The following NAB1 variants were observed in gnomAD, a reference collection of about 807,000 sequenced individuals.
NAB1 encodes the protein NGFI-A-binding protein 1.
In NAB1, 25 loss-of-function variants were observed where a neutral mutation model predicts 49.9. The ratio of observed to expected loss-of-function variants is 0.50; its 90% CI spans 0.37 to 0.70. The LOEUF is 0.70. Ranked by LOEUF, NAB1 falls within the 30% of genes least tolerant of loss-of-function variation. The pLI is 0.00. For synonymous variants in NAB1, 198 were observed against 215.6 expected (o/e 0.92, Z 0.71); for missense variants, 489 against 575.9 (o/e 0.85, Z 1.54).
At position 190,666,625 on chromosome 2, in the gene NAB1, C is replaced by T. The variant is rs113526269; in HGVS notation, c.820-3701C>T. 1.3e-5 allele frequency among the ~76,000 whole-genome samples: 2 copies of T among 152,016 alleles called. No individual in the cohort carries two copies. Among genetic ancestry groups the T allele is most frequent in the African/African-American group, 2.4e-5 (1 of 41,380 alleles). On this transcript the variant is annotated intron_variant, in intron 4 of 9. Coordinates refer to ENST00000337386, the MANE Select transcript of NAB1 (RefSeq NM_005966.4). This position sits in a 1 kb window ranked among gnomAD's most constrained non-coding sequence, Gnocchi z 5.6. ...TTGGGAGGCTGAGACAGGAGAATCGCTTGAACCCGGGGCGCTGAGGTTGCG... is the reference window on the plus strand; with the variant it reads ...TTGGGAGGCTGAGACAGGAGAATCGTTTGAACCCGGGGCGCTGAGGTTGCG...
In NAB1 at chr2:190,679,654, T is replaced by C. The variant is rs2125812389; in HGVS notation, c.1006-4084T>C. Among the ~76,000 whole-genome samples the C allele has an allele frequency of 6.6e-6, 1 of 152,352 alleles. No individual in the cohort carries two copies. The highest frequency in any genetic ancestry group is 2.4e-5 in the African/African-American group (1 of 41,574). ...TTCCAGTGGGCAGATACACAGGTGG[T>C]GTAATCCTAATTTAAAAATTTGGAT... On this transcript the variant is annotated intron_variant, in intron 6 of 9. Transcript: ENST00000337386. The surrounding 1 kb of genome is among the most constrained non-coding windows in gnomAD (Gnocchi z 5.3).
chr2:190,667,876 A>G lies in NAB1; in HGVS notation c.820-2450A>G, dbSNP rs938086761. On this transcript the variant is annotated intron_variant, in intron 4 of 9. Transcript: ENST00000337386. The surrounding 1 kb of genome is among the most constrained non-coding windows in gnomAD (Gnocchi z 4.4). ...ATTTTCTTTGCCTGTCACCCAAGGC[A>G]TAGAAACTGTATGGCTAATGACAAA... is the stretch of plus-strand genomic sequence containing the variant. 1.3e-5 allele frequency among the ~76,000 whole-genome samples: 2 copies of G among 152,146 alleles called. No homozygotes were observed. Among genetic ancestry groups the G allele is most frequent in the East Asian group, 1.9e-4 (1 of 5,202 alleles).
At position 190,657,415 on chromosome 2, in the gene NAB1, T is replaced by G. The variant is rs76073761; in HGVS notation, c.-20+1262T>G. 2.4e-4 allele frequency among the ~76,000 whole-genome samples: 36 copies of G among 152,248 alleles called. No homozygotes were observed. In the East Asian group the frequency reaches 6.9e-3, roughly 29 times the overall value. On this transcript the variant is annotated intron_variant, in intron 3 of 9. Coordinates refer to ENST00000337386, the MANE Select transcript of NAB1 (RefSeq NM_005966.4). This position sits in a 1 kb window ranked among gnomAD's most constrained non-coding sequence, Gnocchi z 4.4. ...TGTGGTGCCCGGAGGATTTATTAAG[T>G]AGGAATCTTGTGCAGTGTGTCATAT...
At chr2:190,668,937 C>A (rs999088431) in intron 4 of NAB1, among the ~76,000 whole-genome samples, 2 of 152,168 alleles carry the variant, frequency 1.3e-5, no homozygotes, top group African/African-American at 4.8e-5. Context: ...AGATTAACAA[C>A]AATAACTATT....
Position 190,690,603 on chromosome 2 carries a change from A to G in NAB1, c.*270A>G. 1 of 317,788 alleles carries G rather than the reference A, an allele frequency of 3.1e-6. No individual in the cohort carries two copies. The highest frequency in any genetic ancestry group is 5.9e-6 in the Non-Finnish European group (1 of 170,530). 19.7% of individuals were successfully genotyped at this position (317,788 alleles called of 1,614,324 possible). ...TCATTTTATATGGAAAGGCTTACAA[A>G]TCAATATTGTAAGCATTCATTATTT... On this transcript the variant is annotated 3_prime_UTR_variant, in exon 10 of 10. Coordinates refer to ENST00000337386, the MANE Select transcript of NAB1 (RefSeq NM_005966.4).
In NAB1 at chr2:190,688,909, G is replaced by C. The variant is rs535503178; in HGVS notation, c.1376-1336G>C. Among the ~76,000 whole-genome samples the C allele has an allele frequency of 4.0e-5, 6 of 150,822 alleles. No individual in the cohort carries two copies. The South Asian group carries it at 1.0e-3, about 26-fold the overall frequency. On this transcript the variant is annotated intron_variant, in intron 9 of 9. Coordinates refer to ENST00000337386, the MANE Select transcript of NAB1 (RefSeq NM_005966.4). The stretch of plus-strand genomic sequence containing the variant: ...GGCTGGAGTGCAGTGGCTCAGTCTC[G>C]GCTCACTCCAGCTCCTCCTCCCGGG...
In NAB1 at chr2:190,677,042, A is replaced by G. The variant is rs1183456624; in HGVS notation, c.1005+3890A>G. 1 of 152,216 alleles carries G rather than the reference A, an allele frequency of 6.6e-6. No homozygotes were observed. Among genetic ancestry groups the G allele is most frequent in the Non-Finnish European group, 1.5e-5 (1 of 68,030 alleles). 9.4% of individuals were successfully genotyped at this position (152,216 alleles called of 1,614,324 possible). ...AAGTAGTGCTGTGTTCAAGCTCAGT[A>G]AGATCTTTCGTTCCTAAATACTGTG... On this transcript the variant is annotated intron_variant, in intron 6 of 9. Coordinates refer to ENST00000337386, the MANE Select transcript of NAB1 (RefSeq NM_005966.4). This position sits in a 1 kb window ranked among gnomAD's most constrained non-coding sequence, Gnocchi z 5.6.
chr2:190,655,415 A>G (rs1467848029), intron 2 of NAB1, among the ~76,000 whole-genome samples: 2 of 152,344 alleles, frequency 1.3e-5, no homozygotes, highest in African/African-American at 4.8e-5. Flanking sequence ...AAAGAAAATT[A>G]TGGACACACA....
intron 4 of NAB1, among the ~76,000 whole-genome samples, chr2:190,668,466 A>T (rs1175722350): frequency 6.6e-6 from 1 of 152,186 alleles, no homozygotes; most frequent in East Asian, 1.9e-4. Flanking sequence ...TTCATTCGTC[A>T]GTCAACAGAT....
chr2:190,662,174 T>G (rs747607943), intron 4 of NAB1, among the ~76,000 whole-genome samples: 22 of 152,214 alleles, frequency 1.4e-4, no homozygotes, highest in Non-Finnish European at 2.6e-4. Flanking sequence ...TACTGTTCTC[T>G]TAATCTTTCA....
At chr2:190,690,175 T>C in intron 9 of NAB1, 70 bp from the exon 10 acceptor site, 1 of 1,118,568 alleles carries the variant, frequency 8.9e-7, no homozygotes, top group Middle Eastern at 2.0e-4. Flanking sequence ...GGGTTTGTTT[T>C]AAAACTTTGT....
At position 190,649,562 on chromosome 2, in the gene NAB1, G is replaced by T. The variant is rs1237159255; in HGVS notation, c.-334+202G>T. 6.6e-6 allele frequency: 1 copy of T among 152,060 alleles called. No individual in the cohort carries two copies. Among genetic ancestry groups the T allele is most frequent in the African/African-American group, 2.4e-5 (1 of 41,408 alleles). The allele number at this position is 152,060 out of a possible 1,614,324, so 9.4% of individuals were successfully genotyped here. ...CCCGGGCTCGTGTGGGCGATTCCCGGAGACATTCTGTGTGCCAGGGCGGCG... is the reference window on the plus strand; with the variant it reads ...CCCGGGCTCGTGTGGGCGATTCCCGTAGACATTCTGTGTGCCAGGGCGGCG... On this transcript the variant is annotated intron_variant, in intron 1 of 9. Coordinates refer to ENST00000337386, the MANE Select transcript of NAB1 (RefSeq NM_005966.4). The surrounding 1 kb of genome is among the most constrained non-coding windows in gnomAD (Gnocchi z 6.1).
At position 190,676,658 on chromosome 2, in the gene NAB1, G is replaced by C. The variant is rs1202791513; in HGVS notation, c.1005+3506G>C. Among the ~76,000 whole-genome samples the C allele has an allele frequency of 6.6e-6, 1 of 152,090 alleles. No homozygotes were observed. Among genetic ancestry groups the C allele is most frequent in the Non-Finnish European group, 1.5e-5 (1 of 68,006 alleles). ...TCACTGCCCCACTGCACTCCAGCCC[G>C]GGCAACAGAGCACAACCTTGTCTCA... On this transcript the variant is annotated intron_variant, in intron 6 of 9. Transcript: ENST00000337386. The surrounding 1 kb of genome is among the most constrained non-coding windows in gnomAD (Gnocchi z 4.6).
intron 5 of NAB1, 47 bp from the exon 6 acceptor site, chr2:190,673,054 G>A: frequency 6.4e-7 from 1 of 1,571,026 alleles, no homozygotes; most frequent in Non-Finnish European, 8.6e-7. Flanking sequence ...AATAAAATCA[G>A]TTACTTTCTC....
chr2:190,681,418 A>C (rs553623259), intron 6 of NAB1, among the ~76,000 whole-genome samples: 48 of 6,734 alleles, frequency 7.1e-3, no homozygotes, highest in Admixed American at 0.013. Flanking sequence ...TGGATTTTTC[A>C]GTCTAAATAG....
In NAB1 at chr2:190,690,314, A is replaced by G. The variant is rs1695893162; in HGVS notation, c.1445A>G (p.Glu482Gly). ...FTLEKKVIKT[E>G]PEDSR ...TTAGAAAAGAAAGTCATCAAAACAG[A>G]GCCTGAAGATTCAAGATAGCTGTGA... The change falls in exon 10 of 10, where the codon GAG becomes GGG. Residue 482 changes from glutamate (E) to glycine (G), a missense_variant. Physicochemically the swap from Glu to Gly is moderately conservative, Grantham distance 98. This residue lies in a region of NAB1 where 212 missense variants were observed against 199.3 expected (regional missense o/e 1.06). Coordinates refer to ENST00000337386, the MANE Select transcript of NAB1 (RefSeq NM_005966.4). The G allele has an allele frequency of 6.2e-7, 1 of 1,611,716 alleles. No individual in the cohort carries two copies. Among genetic ancestry groups the G allele is most frequent in the Non-Finnish European group, 8.5e-7 (1 of 1,178,468 alleles).
chr2:190,660,435 T>C (rs1694164810), intron 4 of NAB1, among the ~76,000 whole-genome samples: 1 of 152,246 alleles, frequency 6.6e-6, no homozygotes, highest in South Asian at 2.1e-4. Context: ...AACAGTTAGA[T>C]GAATGTTGGA....
At position 190,669,564 on chromosome 2, in the gene NAB1, G is replaced by A. The variant is rs1401274106; in HGVS notation, c.820-762G>A. ...TTGCTAATCATCATGCCTTGGCTAA[G>A]TACATCTTTTGCATATTAAAAAAGT... On this transcript the variant is annotated intron_variant, in intron 4 of 9. Transcript: ENST00000337386. This position sits in a 1 kb window ranked among gnomAD's most constrained non-coding sequence, Gnocchi z 4.3. Among the ~76,000 whole-genome samples, 3 of 152,150 alleles carry A rather than the reference G, an allele frequency of 2.0e-5. No individual in the cohort carries two copies. The highest frequency in any genetic ancestry group is 4.4e-5 in the Non-Finnish European group (3 of 68,034).
At position 190,686,700 on chromosome 2, in the gene NAB1, G is replaced by A. The variant is rs930693015; in HGVS notation, c.1259-501G>A. Among the ~76,000 whole-genome samples the A allele has an allele frequency of 6.6e-6, 1 of 152,092 alleles. No individual in the cohort carries two copies. Among genetic ancestry groups the A allele is most frequent in the Non-Finnish European group, 1.5e-5 (1 of 68,026 alleles). On this transcript the variant is annotated intron_variant, in intron 8 of 9. Coordinates refer to ENST00000337386, the MANE Select transcript of NAB1 (RefSeq NM_005966.4). This position sits in a 1 kb window ranked among gnomAD's most constrained non-coding sequence, Gnocchi z 5.5. The stretch of plus-strand genomic sequence containing the variant: ...CAGTGTGGGGTGACAATTTGCTAAT[G>A]TGATGGATTTCAGTACATGACAACA...
Sources: allele counts gnomAD v4.1 joint callset (sites outside exome capture counted in the v4.1 genomes callset), GRCh38; gene constraint gnomAD v4.1.1; regional missense constraint gnomAD v4.1.1; non-coding constraint Gnocchi (gnomAD v3.1); transcripts MANE v1.5; gene names NCBI Gene and HGNC (gene_info 2026-07-23, HGNC 2026-07-21).